Variants in DCANP1 observed in about 807,000 individuals in gnomAD.
DCANP1 encodes the protein dendritic cell associated nuclear protein 1, also known as dendritic cell nuclear protein 1.
For synonymous variants in DCANP1, 139 were observed against 124.2 expected, an observed-to-expected ratio of 1.12 and a Z score of -0.79; for missense variants, 328 against 293.7, an observed-to-expected ratio of 1.12 and a Z score of -0.85.
chr5:135,446,438 G>A lies in DCANP1; in HGVS notation c.671C>T (p.Ser224Phe), dbSNP rs1162363850. The change falls in exon 1 of 1, where the codon TCC becomes TTC. Residue 224 changes from serine to phenylalanine, a missense_variant. Coordinates refer to ENST00000503143, the MANE Select transcript of DCANP1 (RefSeq NM_130848.3). ...CSDSQSRRVSSSQQPPLHSLS... is the reference protein window; with the variant it reads ...CSDSQSRRVSFSQQPPLHSLS... ...AGAATGCAGTGGAGGTTGTTGGGAG[G>A]AACTCACCCGCCTGCTCTGGCTGTC... 6.2e-7 allele frequency: 1 copy of A among 1,612,852 alleles called. No individual in the cohort carries two copies. Among genetic ancestry groups the A allele is most frequent in the East Asian group, 2.2e-5 (1 of 44,796 alleles).
chr5:135,447,125 T>C lies in DCANP1; in HGVS notation c.-17A>G. ...GTAATGCATAGTTGGGGGACCATTTTGGTCAGTGACAGATCACTGCTGCTT... is the reference window on the plus strand; with the variant it reads ...GTAATGCATAGTTGGGGGACCATTTCGGTCAGTGACAGATCACTGCTGCTT... On this transcript the variant is annotated 5_prime_UTR_variant, in exon 1 of 1. Coordinates refer to ENST00000503143, the MANE Select transcript of DCANP1 (RefSeq NM_130848.3). The C allele has an allele frequency of 6.2e-7, 1 of 1,613,974 alleles. No individual in the cohort carries two copies. The highest frequency in any genetic ancestry group is 8.5e-7 in the Non-Finnish European group (1 of 1,179,884).
In DCANP1 at chr5:135,447,183, C is replaced by T. The variant is rs575020137; in HGVS notation, c.-75G>A. 3 of 1,575,668 alleles carry T rather than the reference C, an allele frequency of 1.9e-6. No homozygotes were observed. Among genetic ancestry groups the T allele is most frequent in the African/African-American group, 2.7e-5 (2 of 74,248 alleles). On this transcript the variant is annotated 5_prime_UTR_variant, in exon 1 of 1. Transcript: ENST00000503143. The stretch of plus-strand genomic sequence containing the variant: ...GACCAAAATACATGTGGCTTCTTCT[C>T]CTTGCCAGCCCTACCAGGGCATCTC...
rs995251220 is a variant in DCANP1 at position 135,445,311 on chromosome 5, A to G, written c.*1063T>C. 8.5e-5 allele frequency: 13 copies of G among 152,310 alleles called. No homozygotes were observed. The highest frequency in any genetic ancestry group is 2.9e-4 in the African/African-American group (12 of 41,442). The allele number at this position is 152,310 out of a possible 1,614,324, so 9.4% of individuals were successfully genotyped here. A position where few individuals can be genotyped will look rare whatever the true frequency, so the allele number is the denominator to read the frequency against. On this transcript the variant is annotated 3_prime_UTR_variant, in exon 1 of 1. Transcript: ENST00000503143. Reference sequence around the variant, plus strand: ...GTCTCAAGGACTAGAAGGAAGCACCAGCCTTGTTCTGCCCCAGCTAGAGGG... The same window carrying G: ...GTCTCAAGGACTAGAAGGAAGCACCGGCCTTGTTCTGCCCCAGCTAGAGGG...
rs759839686 is a variant in DCANP1 at position 135,445,935 on chromosome 5, T to C, written c.*439A>G. 6.5e-6 allele frequency: 1 copy of C among 154,186 alleles called. No homozygotes were observed. Among genetic ancestry groups the C allele is most frequent in the Non-Finnish European group, 1.4e-5 (1 of 69,536 alleles). The allele number at this position is 154,186 out of a possible 1,614,324, so 9.6% of individuals were successfully genotyped here. A position where few individuals can be genotyped will look rare whatever the true frequency, so the allele number is the denominator to read the frequency against. ...AGATGATTTCTAGATTTCCAGACAATGTCTCAGAGAATTGTAGTGCTCTGG... is the reference window on the plus strand; with the variant it reads ...AGATGATTTCTAGATTTCCAGACAACGTCTCAGAGAATTGTAGTGCTCTGG... On this transcript the variant is annotated 3_prime_UTR_variant, in exon 1 of 1. Transcript: ENST00000503143.
chr5:135,445,904 G>T lies in DCANP1; in HGVS notation c.*470C>A, dbSNP rs1386534116. The T allele has an allele frequency of 6.5e-6, 1 of 153,888 alleles. No individual in the cohort carries two copies. Among genetic ancestry groups the T allele is most frequent in the African/African-American group, 2.4e-5 (1 of 41,470 alleles). 9.5% of individuals were successfully genotyped at this position (153,888 alleles called of 1,614,324 possible). A position where few individuals can be genotyped will look rare whatever the true frequency, so the allele number is the denominator to read the frequency against. Reference sequence around the variant, plus strand: ...TGCGAGGGTTAAAATACCTTAAAGGGCAAGGAGATGATTTCTAGATTTCCA... The same window carrying T: ...TGCGAGGGTTAAAATACCTTAAAGGTCAAGGAGATGATTTCTAGATTTCCA... On this transcript the variant is annotated 3_prime_UTR_variant, in exon 1 of 1. Coordinates refer to ENST00000503143, the MANE Select transcript of DCANP1 (RefSeq NM_130848.3).
Position 135,447,013 on chromosome 5 carries a change from C to T in DCANP1, c.96G>A (p.Gly32=), listed in dbSNP as rs1238500141. The T allele has an allele frequency of 4.3e-6, 7 of 1,613,614 alleles. No individual in the cohort carries two copies. The Admixed American group carries it at 1.0e-4, about 23-fold the overall frequency. The part of the protein sequence containing the change: ...GHQRLERGAG[G]ETPEFPGCHS... ...GGCACCCTGGGAACTCTGGGGTTTCCCCACCAGCTCCTCTCTCCAGTCTTT... is the reference window on the plus strand; with the variant it reads ...GGCACCCTGGGAACTCTGGGGTTTCTCCACCAGCTCCTCTCTCCAGTCTTT... The change falls in exon 1 of 1, where the codon GGG becomes GGA. Residue 32 remains glycine (G), a synonymous_variant. Coordinates refer to ENST00000503143, the MANE Select transcript of DCANP1 (RefSeq NM_130848.3).
chr5:135,447,111 T>C lies in DCANP1; in HGVS notation c.-3A>G, dbSNP rs1171520452. Reference sequence around the variant, plus strand: ...TGGGTTGCTGCTCCGTAATGCATAGTTGGGGGACCATTTTGGTCAGTGACA... The same window carrying C: ...TGGGTTGCTGCTCCGTAATGCATAGCTGGGGGACCATTTTGGTCAGTGACA... On this transcript the variant is annotated 5_prime_UTR_variant, in exon 1 of 1. Transcript: ENST00000503143. 2.5e-6 allele frequency: 4 copies of C among 1,614,032 alleles called. No homozygotes were observed. The highest frequency in any genetic ancestry group is 2.5e-6 in the Non-Finnish European group (3 of 1,179,902).
chr5:135,445,219 A>G lies in DCANP1; in HGVS notation c.*1155T>C, dbSNP rs17168353. Reference sequence around the variant, plus strand: ...GACATGCACCCTGTCAAATCCATAAACCTTCCTCAGCAGTCACCACACAGA... The same window carrying G: ...GACATGCACCCTGTCAAATCCATAAGCCTTCCTCAGCAGTCACCACACAGA... On this transcript the variant is annotated 3_prime_UTR_variant, in exon 1 of 1. Transcript: ENST00000503143. 42,327 of 151,818 alleles carry G rather than the reference A, an allele frequency of 0.28. 6,234 individuals are homozygous for G. Among genetic ancestry groups the G allele is most frequent in the African/African-American group, 0.36 (14,791 of 41,374 alleles). 9.4% of individuals were successfully genotyped at this position (151,818 alleles called of 1,614,324 possible).
rs765386353 is a variant in DCANP1 at position 135,446,655 on chromosome 5, G to A, written c.454C>T (p.His152Tyr). The part of the protein sequence containing the change: ...TVHTVSPGNS[H>Y]LALYQVFKAV... ...TTAAAAACTTGGTACAGGGCAAGGT[G>A]TGAGTTTCCCGGTGAGACTGTGTGA... The change falls in exon 1 of 1, where the codon CAC becomes TAC. Residue 152 changes from histidine (H) to tyrosine (Y), a missense_variant. Physicochemically the swap from His to Tyr is moderately conservative, Grantham distance 83. Transcript: ENST00000503143. 1.2e-6 allele frequency: 2 copies of A among 1,614,068 alleles called. No individual in the cohort carries two copies. Among genetic ancestry groups the A allele is most frequent in the South Asian group, 1.1e-5 (1 of 91,080 alleles).
Position 135,447,105 on chromosome 5 carries a change from GCATA to G in DCANP1, c.-1_3del. On this transcript the variant is annotated start_lost and 5_prime_UTR_variant, in exon 1 of 1. Transcript: ENST00000503143. ...TGTATGTGGGTTGCTGCTCCGTAAT[GCATA>G]GTTGGGGGACCATTTTGGTCAGTGA... is the stretch of plus-strand genomic sequence containing the variant. 1.9e-6 allele frequency: 3 copies of G among 1,614,034 alleles called. No homozygotes were observed. Among genetic ancestry groups the G allele is most frequent in the Non-Finnish European group, 2.5e-6 (3 of 1,179,900 alleles).
rs747182587 is a variant in DCANP1, at chr5:135,446,338, C to A, written c.*36G>T. 3.8e-6 allele frequency: 6 copies of A among 1,558,942 alleles called. No individual in the cohort carries two copies. In the South Asian group the frequency reaches 6.2e-5, roughly 16 times the overall value. ...CTGTATGTTCGTGTTTAGTGTATGT[C>A]TGTGCATACTTGCGTGTGTGCACAC... On this transcript the variant is annotated 3_prime_UTR_variant, in exon 1 of 1. Coordinates refer to ENST00000503143, the MANE Select transcript of DCANP1 (RefSeq NM_130848.3).
rs1271376785 is a variant in DCANP1 at position 135,447,075 on chromosome 5, A to G, written c.34T>C (p.Ser12Pro). The G allele has an allele frequency of 6.2e-7, 1 of 1,613,826 alleles. No homozygotes were observed. The highest frequency in any genetic ancestry group is 8.5e-7 in the Non-Finnish European group (1 of 1,179,892). The stretch of plus-strand genomic sequence containing the variant: ...ACAGTCTCCAGGCCGTGGCTTCTCG[A>G]GTTCTGTATGTGGGTTGCTGCTCCG... ...HYGAATHIQNSRSHGLETVPG... is the reference protein window; with the variant it reads ...HYGAATHIQNPRSHGLETVPG... Residue 12 changes from serine (S) to proline (P), a missense_variant, in exon 1 of 1, where the codon TCG becomes CCG. Ser to Pro is a moderately conservative substitution (Grantham distance 74). Coordinates refer to ENST00000503143, the MANE Select transcript of DCANP1 (RefSeq NM_130848.3).
rs1376084162 is a variant in DCANP1, at chr5:135,445,827, T to C, written c.*547A>G. On this transcript the variant is annotated 3_prime_UTR_variant, in exon 1 of 1. Transcript: ENST00000503143. ...GCAAGTCTCCCTCGAGGGGAGCCCG[T>C]GTCTCTCACGGACAGCTTGGCAAGA... is the stretch of plus-strand genomic sequence containing the variant. The C allele has an allele frequency of 6.5e-6, 1 of 152,930 alleles. No individual in the cohort carries two copies. Among genetic ancestry groups the C allele is most frequent in the Non-Finnish European group, 1.5e-5 (1 of 68,670 alleles). The allele number at this position is 152,930 out of a possible 1,614,324, so 9.5% of individuals were successfully genotyped here. A position where few individuals can be genotyped will look rare whatever the true frequency, so the allele number is the denominator to read the frequency against.
rs566760598 is a variant in DCANP1 at position 135,446,221 on chromosome 5, C to T, written c.*153G>A. 4.3e-6 allele frequency: 4 copies of T among 921,064 alleles called. No homozygotes were observed. Among genetic ancestry groups the T allele is most frequent in the African/African-American group, 3.3e-5 (2 of 60,264 alleles). 57.1% of individuals were successfully genotyped at this position (921,064 alleles called of 1,614,324 possible). A position where few individuals can be genotyped will look rare whatever the true frequency, so the allele number is the denominator to read the frequency against. ...AGATTCAGTTACTTGTCCAGGATCACAGAACTATAGTAAGTGGGGGTGGGG... is the reference window on the plus strand; with the variant it reads ...AGATTCAGTTACTTGTCCAGGATCATAGAACTATAGTAAGTGGGGGTGGGG... On this transcript the variant is annotated 3_prime_UTR_variant, in exon 1 of 1. Transcript: ENST00000503143.
chr5:135,446,535 T>C lies in DCANP1; in HGVS notation c.574A>G (p.Asn192Asp), dbSNP rs1185645176. 23 of 1,613,784 alleles carry C rather than the reference T, an allele frequency of 1.4e-5. No individual in the cohort carries two copies. The highest frequency in any genetic ancestry group is 1.9e-5 in the Non-Finnish European group (22 of 1,179,874). The change falls in exon 1 of 1, where the codon AAC (asparagine) becomes GAC (aspartate). Residue 192 changes from asparagine to aspartate, a missense_variant. Asn to Asp is a conservative substitution (Grantham distance 23). Coordinates refer to ENST00000503143, the MANE Select transcript of DCANP1 (RefSeq NM_130848.3). ...AAGCCAGCCTGACGGTTCCAGCTGT[T>C]AGGAGAAAGTGAAGGTGGGTGCCAT... ...DPWHPPSLSPNSWNRQAGFRA... is the reference protein window; with the variant it reads ...DPWHPPSLSPDSWNRQAGFRA...
rs370425129 is a variant in DCANP1 at position 135,446,361 on chromosome 5, C to T, written c.*13G>A. 6.3e-7 allele frequency: 1 copy of T among 1,584,996 alleles called. No homozygotes were observed. The highest frequency in any genetic ancestry group is 1.2e-5 in the South Asian group (1 of 86,200). On this transcript the variant is annotated 3_prime_UTR_variant, in exon 1 of 1. Transcript: ENST00000503143. ...GTCTGTGCATACTTGCGTGTGTGCA[C>T]ACGCACACATGTTCACTCAGGCACG...
rs1440971686 is a variant in DCANP1, at chr5:135,444,460, C to A, written c.*1914G>T. 1.3e-5 allele frequency: 2 copies of A among 152,270 alleles called. No individual in the cohort carries two copies. Among genetic ancestry groups the A allele is most frequent in the African/African-American group, 2.4e-5 (1 of 41,456 alleles). 9.4% of individuals were successfully genotyped at this position (152,270 alleles called of 1,614,324 possible). ...GGAAGCTGGAGGGAGGACCTGTTAACCTCATGGTACTGTGGCGACATCAGC... is the reference window on the plus strand; with the variant it reads ...GGAAGCTGGAGGGAGGACCTGTTAAACTCATGGTACTGTGGCGACATCAGC... On this transcript the variant is annotated 3_prime_UTR_variant, in exon 1 of 1. Transcript: ENST00000503143.
Position 135,446,536 on chromosome 5 carries a change from A to G in DCANP1, c.573T>C (p.Pro191=), listed in dbSNP as rs547551780. The G allele has an allele frequency of 5.0e-6, 8 of 1,613,976 alleles. No homozygotes were observed. The African/African-American group carries it at 8.0e-5, about 16-fold the overall frequency. Residue 191 remains proline (P), a synonymous_variant, in exon 1 of 1, where the codon CCT becomes CCC. Coordinates refer to ENST00000503143, the MANE Select transcript of DCANP1 (RefSeq NM_130848.3). ...AGCCAGCCTGACGGTTCCAGCTGTT[A>G]GGAGAAAGTGAAGGTGGGTGCCATG... ...SDPWHPPSLS[P]NSWNRQAGFR... is the part of the protein sequence containing the mutation.
In DCANP1 at chr5:135,446,660, T is replaced by A. The variant is rs536502469; in HGVS notation, c.449A>T (p.Asn150Ile). ...PFTVHTVSPG[N>I]SHLALYQVFK... ...AACTTGGTACAGGGCAAGGTGTGAG[T>A]TTCCCGGTGAGACTGTGTGAACTGT... The change falls in exon 1 of 1, where the codon AAC becomes ATC. Residue 150 changes from asparagine (N) to isoleucine (I), a missense_variant. Coordinates refer to ENST00000503143, the MANE Select transcript of DCANP1 (RefSeq NM_130848.3). 6.2e-7 allele frequency: 1 copy of A among 1,613,890 alleles called. No homozygotes were observed. Among genetic ancestry groups the A allele is most frequent in the Non-Finnish European group, 8.5e-7 (1 of 1,179,848 alleles).
Sources: allele counts gnomAD v4.1 joint callset, GRCh38; gene constraint gnomAD v4.1.1; transcripts MANE v1.5; gene names NCBI Gene and HGNC (gene_info 2026-07-23, HGNC 2026-07-21).